KCNB2: variants seen among roughly 807,000 people sequenced by gnomAD.
The protein encoded by KCNB2 is potassium voltage-gated channel subfamily B member 2.
KCNB2 carries 15 observed loss-of-function variants against 61.5 expected under a neutral mutation model. The observed-to-expected ratio is 0.24, with a 90% CI of 0.16 to 0.38. KCNB2 has a LOEUF of 0.38. Ranked by LOEUF, KCNB2 falls within the 10% of genes least tolerant of loss-of-function variation. KCNB2 has a pLI of 1.00. For synonymous variants in KCNB2, 457 were observed against 446.0 expected, an observed-to-expected ratio of 1.02 and a Z score of -0.31; for missense variants, 828 against 1,125.2, an observed-to-expected ratio of 0.74 and a Z score of 3.78.
chr8:72,723,644 T>C lies in KCNB2; in HGVS notation c.579+155331T>C, dbSNP rs1011699394. ...CTCAGCTTCTGGTGTCAGTCCCTCC[T>C]CTACCTAGCCTCAGACACTAGGTAG... On this transcript the variant is annotated intron_variant, in intron 2 of 2. Coordinates refer to ENST00000523207, the MANE Select transcript of KCNB2 (RefSeq NM_004770.3). Among the ~76,000 whole-genome samples the C allele has an allele frequency of 2.6e-5, 4 of 152,148 alleles. No individual in the cohort carries two copies. In the South Asian group the frequency reaches 8.3e-4, roughly 32 times the overall value.
intron 1 of KCNB2, among the ~76,000 whole-genome samples, chr8:72,541,917 A>T (rs748323653): frequency 6.6e-5 from 10 of 152,074 alleles, no homozygotes; most frequent in African/African-American, 2.4e-4. Context: ...TTTGTTTTTT[A>T]AAAATTATTA....
intron 2 of KCNB2, among the ~76,000 whole-genome samples, chr8:72,581,432 T>G (rs1585764521): frequency 6.6e-6 from 1 of 152,198 alleles, no homozygotes; most frequent in Admixed American, 6.5e-5. Flanking sequence ...GTTTCTTATC[T>G]TCAATTACTG....
intron 2 of KCNB2, among the ~76,000 whole-genome samples, chr8:72,746,709 C>T (rs1808077416): frequency 6.6e-6 from 1 of 152,150 alleles, no homozygotes; most frequent in Non-Finnish European, 1.5e-5. Context: ...TGCAATATAT[C>T]TTTCTGTGAT....
chr8:72,716,807 G>A (rs1807451382), intron 2 of KCNB2, among the ~76,000 whole-genome samples: 1 of 152,006 alleles, frequency 6.6e-6, no homozygotes, highest in East Asian at 1.9e-4. Flanking sequence ...TGGAAGTTCT[G>A]GCCAGGGCAA....
At chr8:72,755,216 C>A (rs1370677535) in intron 2 of KCNB2, among the ~76,000 whole-genome samples, 1 of 152,078 alleles carries the variant, frequency 6.6e-6, no homozygotes, top group Non-Finnish European at 1.5e-5. Context: ...ACTGTCACAG[C>A]CAAGAGGCCT....
intron 2 of KCNB2, chr8:72,660,756 A>G (rs1217613995): frequency 6.6e-6 from 1 of 152,096 alleles, no homozygotes; most frequent in Admixed American, 6.6e-5. Flanking sequence ...TGGATAGCTG[A>G]TCTTGTCATC....
intron 2 of KCNB2, among the ~76,000 whole-genome samples, chr8:72,811,030 C>T (rs1246770780): frequency 6.6e-6 from 1 of 152,096 alleles, no homozygotes; most frequent in African/African-American, 2.4e-5. Flanking sequence ...CTGTCCAAAC[C>T]ATATTTATGT....
At chr8:72,788,101 A>G (rs1808872592) in intron 2 of KCNB2, among the ~76,000 whole-genome samples, 1 of 152,236 alleles carries the variant, frequency 6.6e-6, no homozygotes, top group East Asian at 1.9e-4. Context: ...AGGACTTGGC[A>G]TTCTGTTCAT....
chr8:72,882,926 G>A (rs1450227668), intron 2 of KCNB2, among the ~76,000 whole-genome samples: 1 of 151,998 alleles, frequency 6.6e-6, no homozygotes, highest in African/African-American at 2.4e-5. Context: ...ATTTCCATGT[G>A]CCCACAATCA....
At chr8:72,594,556 C>G (rs966095624) in intron 2 of KCNB2, among the ~76,000 whole-genome samples, 21 of 152,062 alleles carry the variant, frequency 1.4e-4, no homozygotes, top group African/African-American at 4.3e-4. Context: ...GTAGCTGTAG[C>G]CTTGGCTTTT....
At chr8:72,762,517 G>T (rs114117972) in intron 2 of KCNB2, among the ~76,000 whole-genome samples, 188 of 152,240 alleles carry the variant, frequency 1.2e-3, no homozygotes, top group African/African-American at 4.0e-3. Flanking sequence ...GCTTGGCACA[G>T]TTTAGGTGCT....
intron 2 of KCNB2, among the ~76,000 whole-genome samples, chr8:72,684,487 T>G (rs1167078441): frequency 2.0e-5 from 3 of 151,968 alleles, no homozygotes; most frequent in Admixed American, 6.6e-5. Flanking sequence ...ATCACAGTAT[T>G]TAAGACGCAG....
chr8:72,776,636 G>T (rs1808658688), intron 2 of KCNB2, among the ~76,000 whole-genome samples: 1 of 152,146 alleles, frequency 6.6e-6, no homozygotes, highest in East Asian at 1.9e-4. Flanking sequence ...ACATATGTGG[G>T]GTAGGGACTT....
intron 2 of KCNB2, among the ~76,000 whole-genome samples, chr8:72,676,045 G>T (rs1353810302): frequency 2.6e-5 from 4 of 152,110 alleles, no homozygotes; most frequent in Non-Finnish European, 4.4e-5. Context: ...CAGTAAAGCA[G>T]CAATAAACAT....
chr8:72,603,997 G>A (rs1805407944), intron 2 of KCNB2, among the ~76,000 whole-genome samples: 1 of 152,124 alleles, frequency 6.6e-6, no homozygotes, highest in African/African-American at 2.4e-5. Context: ...TGGCCCTGCT[G>A]ACACCCTGGT....
intron 2 of KCNB2, among the ~76,000 whole-genome samples, chr8:72,627,261 T>C (rs1173121371): frequency 1.3e-5 from 2 of 152,178 alleles, no homozygotes; most frequent in African/African-American, 4.8e-5. Context: ...GAATCTTCTT[T>C]AGAGAAGGAG....
intron 2 of KCNB2, among the ~76,000 whole-genome samples, chr8:72,802,188 T>TCG (rs1240834475): frequency 6.6e-6 from 1 of 152,212 alleles, no homozygotes; most frequent in Non-Finnish European, 1.5e-5. Flanking sequence ...GAGCTGAATA[T>TCG]TTTTCAGCAA....
intron 2 of KCNB2, among the ~76,000 whole-genome samples, chr8:72,645,748 T>A (rs1478701007): frequency 1.3e-5 from 2 of 152,180 alleles, no homozygotes; most frequent in Admixed American, 1.3e-4. Flanking sequence ...AAACCACACC[T>A]ACTTTAGGAT....
chr8:72,639,380 C>T (rs1214252442), intron 2 of KCNB2, among the ~76,000 whole-genome samples: 1 of 152,134 alleles, frequency 6.6e-6, no homozygotes, highest in Non-Finnish European at 1.5e-5. Context: ...CAGGCAAACA[C>T]GTTTTCAGCT....
Sources: gnomAD v4.1 joint callset for allele counts (sites outside exome capture counted in the v4.1 genomes callset) on GRCh38, gnomAD v4.1.1 for gene constraint, MANE v1.5 for transcripts, NCBI Gene and HGNC (gene_info 2026-07-23, HGNC 2026-07-21) for gene names.